SLC25A20: variants seen among roughly 807,000 people sequenced by gnomAD.
SLC25A20 encodes the protein mitochondrial carnitine/acylcarnitine carrier protein.
SLC25A20 carries 29 observed loss-of-function variants against 39.7 expected under a neutral mutation model. That is an observed-to-expected ratio of 0.73 (90% CI 0.54 to 1.00). SLC25A20 has a LOEUF of 1.00. SLC25A20 is among the 50% of genes least tolerant of loss of function. SLC25A20 has a pLI of 0.00. For missense variants in SLC25A20, 333 were observed against 379.9 expected, an observed-to-expected ratio of 0.88 and a Z score of 1.03; for synonymous variants, 103 against 142.2, an observed-to-expected ratio of 0.72 and a Z score of 1.96.
At chr3:48,871,785 AAG>A (rs1300351637) in intron 4 of SLC25A20, among the ~76,000 whole-genome samples, 13 of 150,548 alleles carry the variant, frequency 8.6e-5, no homozygotes, top group Non-Finnish European at 1.8e-4. Flanking sequence ...AAAAAAAAAA[AAG>A]AGAGAGAGAG....
At chr3:48,871,552 G>C in intron 4 of SLC25A20, among the ~76,000 whole-genome samples, 1 of 152,062 alleles carries the variant, frequency 6.6e-6, no homozygotes, top group South Asian at 2.1e-4. Context: ...CGGATCACCT[G>C]AAGTAGGGAG....
At position 48,892,424 on chromosome 3, in the gene SLC25A20, T is replaced by C. The variant is rs577067827; in HGVS notation, c.106-352A>G. Among the ~76,000 whole-genome samples, 13 of 152,312 alleles carry C rather than the reference T, an allele frequency of 8.5e-5. No individual in the cohort carries two copies. In the East Asian group the frequency reaches 2.3e-3, roughly 27 times the overall value. On this transcript the variant is annotated intron_variant, in intron 1 of 8. Transcript: ENST00000319017. ...TATATGTTTTCAGTTCTCTTCGGTA[T>C]TGTATTGGTCAGAATTCTCCAGAGA...
At chr3:48,861,773 T>C (rs1186201962) in intron 5 of SLC25A20, among the ~76,000 whole-genome samples, 1 of 151,544 alleles carries the variant, frequency 6.6e-6, no homozygotes, top group Non-Finnish European at 1.5e-5. Context: ...ACACCAGTAA[T>C]CCCGGCACCT....
In SLC25A20 at chr3:48,894,268, C is replaced by CT. The variant is rs529100766; in HGVS notation, c.106-2197dup. 1.3e-3 allele frequency among the ~76,000 whole-genome samples: 155 copies of CT among 115,018 alleles called. 1 individual carries two copies. The highest frequency in any genetic ancestry group is 4.3e-3 in the Middle Eastern group (1 of 234). 75.5% of individuals were successfully genotyped at this position (115,018 alleles called of 152,430 possible). A position where few individuals can be genotyped will look rare whatever the true frequency, so the allele number is the denominator to read the frequency against. ...CTTTGCCGATTTTTAATTGGATTGT[C>CT]TTTTTTTTTTTTTTTGAGGCAGAGT... On this transcript the variant is annotated intron_variant, in intron 1 of 8. Coordinates refer to ENST00000319017, the MANE Select transcript of SLC25A20 (RefSeq NM_000387.6).
intron 1 of SLC25A20, among the ~76,000 whole-genome samples, chr3:48,896,823 G>A (rs1035833725): frequency 1.3e-5 from 2 of 151,690 alleles, no homozygotes; most frequent in Non-Finnish European, 2.9e-5. Flanking sequence ...ACCGGCCTAG[G>A]TTGTCTTATT....
intron 3 of SLC25A20, among the ~76,000 whole-genome samples, chr3:48,880,500 C>G (rs544864535): frequency 6.6e-6 from 1 of 150,932 alleles, no homozygotes; most frequent in East Asian, 2.0e-4. Flanking sequence ...TGGTCTCGAA[C>G]TCCTGACCTC....
rs1372803902 is a variant in SLC25A20, at chr3:48,897,365, A to AT, written c.105+1324dup. 8.4e-3 allele frequency among the ~76,000 whole-genome samples: 874 copies of AT among 104,230 alleles called. 5 individuals carry two copies. The highest frequency in any genetic ancestry group is 0.012 in the Admixed American group (122 of 10,054). The allele number at this position is 104,230 out of a possible 152,430, so 68.4% of individuals were successfully genotyped here. A position where few individuals can be genotyped will look rare whatever the true frequency, so the allele number is the denominator to read the frequency against. ...TGTGTGAATATATATATATATATATATATTTTTTTTTTTTTTTTTTTTAAG... is the reference window on the plus strand; with the variant it reads ...TGTGTGAATATATATATATATATATATTATTTTTTTTTTTTTTTTTTTTAAG... On this transcript the variant is annotated intron_variant, in intron 1 of 8. Coordinates refer to ENST00000319017, the MANE Select transcript of SLC25A20 (RefSeq NM_000387.6).
chr3:48,867,763 T>C (rs981427958), intron 4 of SLC25A20, among the ~76,000 whole-genome samples: 4 of 150,248 alleles, frequency 2.7e-5, no homozygotes, highest in African/African-American at 9.8e-5. Flanking sequence ...CCATCCTTGG[T>C]AGAAACAAGC....
intron 7 of SLC25A20, 172 bp from the exon 8 acceptor site, chr3:48,858,803 C>A: frequency 1.2e-6 from 1 of 807,980 alleles, no homozygotes. Flanking sequence ...ATTACTTGTG[C>A]CAAGGGAATA....
rs754563147 is a variant in SLC25A20, at chr3:48,862,544, C to T, written c.533G>A (p.Arg178Gln). 8.1e-6 allele frequency: 13 copies of T among 1,607,784 alleles called. No individual in the cohort carries two copies. The Admixed American group carries it at 1.8e-4, about 23-fold the overall frequency. The change falls in exon 5 of 9, where the codon CGA becomes CAA. Residue 178 changes from arginine to glutamine, a missense_variant and splice_region_variant. Coordinates refer to ENST00000319017, the MANE Select transcript of SLC25A20 (RefSeq NM_000387.6). ...CAAGTGGAGGCCTGAAAGGTTACCT[C>T]GCATAAGGGTAAGCACAGTCCCTTT... ...IYKGTVLTLMRDVPASGMYFM... is the reference protein window; with the variant it reads ...IYKGTVLTLMQDVPASGMYFM...
rs749560455 is a variant in SLC25A20, at chr3:48,857,735, A to G, written c.881T>C (p.Leu294Pro). ...FLGFEVAMKF[L>P]NWATPNL The stretch of plus-strand genomic sequence containing the variant: ...TCACAAGTTGGGGGTGGCCCAATTA[A>G]GGAACTTCATGGCAACTTCAAAGCC... The change falls in exon 9 of 9, where the codon CTT (leucine) becomes CCT (proline). Residue 294 changes from leucine to proline, a missense_variant. Transcript: ENST00000319017. The G allele has an allele frequency of 2.5e-6, 4 of 1,613,974 alleles. No individual in the cohort carries two copies. In the Admixed American group the frequency reaches 5.0e-5, roughly 20 times the overall value.
At chr3:48,888,250 T>C (rs1371573601) in intron 2 of SLC25A20, among the ~76,000 whole-genome samples, 6 of 135,812 alleles carry the variant, frequency 4.4e-5, no homozygotes, top group Admixed American at 3.1e-4. Flanking sequence ...ACCACCTCAC[T>C]CAAGGACGGT....
chr3:48,861,246 C>A (rs1297303273), intron 5 of SLC25A20, among the ~76,000 whole-genome samples: 1 of 152,096 alleles, frequency 6.6e-6, no homozygotes, highest in Non-Finnish European at 1.5e-5. Flanking sequence ...GTGTGAGCCA[C>A]CATACCCGGC....
At chr3:48,884,385 T>C (rs968793778) in intron 2 of SLC25A20, among the ~76,000 whole-genome samples, 1 of 152,138 alleles carries the variant, frequency 6.6e-6, no homozygotes, top group African/African-American at 2.4e-5. Flanking sequence ...GGTCTCACTC[T>C]GTCGCCCAGG....
chr3:48,867,301 A>G (rs915953987), intron 4 of SLC25A20, among the ~76,000 whole-genome samples: 1 of 151,460 alleles, frequency 6.6e-6, no homozygotes, highest in Non-Finnish European at 1.5e-5. Context: ...GCTGGAGTGC[A>G]GTGGCGAGAT....
Position 48,858,522 on chromosome 3 carries a change from G to A in SLC25A20, c.828C>T (p.Ala276=). 1.9e-6 allele frequency: 3 copies of A among 1,614,184 alleles called. No homozygotes were observed. Among genetic ancestry groups the A allele is most frequent in the Non-Finnish European group, 2.5e-6 (3 of 1,180,032 alleles). The part of the protein sequence containing the change: ...YKGFNAVMIR[A]FPANAACFLG... Reference sequence around the variant, plus strand: ...AGCTACTCACCGCATTGGCTGGGAAGGCTCGGATCATCACTGCATTGAACC... The same window carrying A: ...AGCTACTCACCGCATTGGCTGGGAAAGCTCGGATCATCACTGCATTGAACC... The change falls in exon 8 of 9, where the codon GCC becomes GCT. Residue 276 remains alanine, a synonymous_variant. Transcript: ENST00000319017.
At chr3:48,877,847 C>G (rs988451846) in intron 4 of SLC25A20, among the ~76,000 whole-genome samples, 1 of 152,120 alleles carries the variant, frequency 6.6e-6, no homozygotes, top group Non-Finnish European at 1.5e-5. Context: ...TTTCAGAGTT[C>G]CTGAAATGGT....
intron 4 of SLC25A20, among the ~76,000 whole-genome samples, chr3:48,862,958 G>A (rs1392715761): frequency 6.6e-6 from 1 of 152,124 alleles, no homozygotes; most frequent in East Asian, 1.9e-4. Flanking sequence ...TTGGGAGGCC[G>A]AGGCAGGCAG....
At chr3:48,863,028 C>T (rs942962004) in intron 4 of SLC25A20, among the ~76,000 whole-genome samples, 11 of 151,926 alleles carry the variant, frequency 7.2e-5, no homozygotes, top group East Asian at 3.9e-4. Context: ...CCTGTCTCTA[C>T]GAAAAATACA....
Sources: allele counts gnomAD v4.1 joint callset (sites outside exome capture counted in the v4.1 genomes callset), GRCh38; gene constraint gnomAD v4.1.1; transcripts MANE v1.5; gene names NCBI Gene and HGNC (gene_info 2026-07-23, HGNC 2026-07-21).